SYT7: variants seen among roughly 807,000 people sequenced by gnomAD.
SYT7 encodes the protein synaptotagmin-7.
In SYT7, 29 loss-of-function variants were observed where a neutral mutation model predicts 75.1. The ratio of observed to expected loss-of-function variants is 0.39; its 90% CI spans 0.29 to 0.53. SYT7 has a LOEUF of 0.53. SYT7 is among the 20% of genes least tolerant of loss of function. SYT7 has a pLI of 0.77. For synonymous variants in SYT7, 376 were observed against 401.7 expected (o/e 0.94, Z 0.76); for missense variants, 693 against 953.2 (o/e 0.73, Z 3.59).
At chr11:61,525,369 C>T (rs2135079964) in intron 9 of SYT7, among the ~76,000 whole-genome samples, 1 of 152,256 alleles carries the variant, frequency 6.6e-6, no homozygotes, top group Admixed American at 6.5e-5. Context: ...CTGTCCTCTC[C>T]CTGCTTGGCT....
chr11:61,564,907 G>C (rs1176685921), intron 1 of SYT7, among the ~76,000 whole-genome samples: 2 of 152,202 alleles, frequency 1.3e-5, no homozygotes, highest in South Asian at 4.1e-4. Context: ...AGGACAGGTT[G>C]GGGGCTGGGT....
rs1431454288 is a variant in SYT7, at chr11:61,538,279, G to A, written c.942-13C>T. On this transcript the variant is annotated splice_polypyrimidine_tract_variant and intron_variant, in intron 6 of 12. Transcript: ENST00000539008. ...CATCCGGCCTTCCCTGCCCGGGGAG[G>A]GCAGCCCACAGGCCAGGGTGAAACG... 1 of 1,529,012 alleles carries A rather than the reference G, an allele frequency of 6.5e-7. No homozygotes were observed. Among genetic ancestry groups the A allele is most frequent in the Non-Finnish European group, 8.8e-7 (1 of 1,142,464 alleles). 94.7% of individuals were successfully genotyped at this position (1,529,012 alleles called of 1,614,324 possible). A position where few individuals can be genotyped will look rare whatever the true frequency, so the allele number is the denominator to read the frequency against.
At chr11:61,550,172 C>T (rs1314770055) in intron 3 of SYT7, among the ~76,000 whole-genome samples, 4 of 152,162 alleles carry the variant, frequency 2.6e-5, no homozygotes, top group South Asian at 2.1e-4. Context: ...CTGAGCCTCC[C>T]GCCCTCCCCT....
intron 6 of SYT7, chr11:61,541,409 A>C: frequency 7.1e-5 from 24 of 337,264 alleles, no homozygotes; most frequent in South Asian, 1.4e-4. Context: ...GATGCTGGGG[A>C]GGGGGCTTCC....
chr11:61,524,185 C>G lies in SYT7; in HGVS notation c.1641+178G>C, dbSNP rs1467565360. On this transcript the variant is annotated intron_variant, in intron 10 of 12. Transcript: ENST00000539008. This position sits in a 1 kb window ranked among gnomAD's most constrained non-coding sequence, Gnocchi z 4.1. ...CTTCTTACAGATCGGGTGAGTCCCC[C>G]CAAGTGCCAAGCACCAATGTTCTGA... Among the ~76,000 whole-genome samples, 2 of 152,200 alleles carry G rather than the reference C, an allele frequency of 1.3e-5. No individual in the cohort carries two copies. The highest frequency in any genetic ancestry group is 2.4e-5 in the African/African-American group (1 of 41,440).
At position 61,546,537 on chromosome 11, in the gene SYT7, C is replaced by A. The variant is rs1482526760; in HGVS notation, c.348-282G>T. The A allele has an allele frequency of 4.4e-6, 2 of 454,854 alleles. No individual in the cohort carries two copies. The highest frequency in any genetic ancestry group is 3.6e-5 in the South Asian group (2 of 56,324). 28.2% of individuals were successfully genotyped at this position (454,854 alleles called of 1,614,324 possible). ...CTGGGGGTCGGAGAACAACGCACCACGACAACGGAGGGGGGGCCCCTCCCC... is the reference window on the plus strand; with the variant it reads ...CTGGGGGTCGGAGAACAACGCACCAAGACAACGGAGGGGGGGCCCCTCCCC... On this transcript the variant is annotated intron_variant, in intron 4 of 12. Coordinates refer to ENST00000539008, the MANE Select transcript of SYT7 (RefSeq NM_001365809.2). The surrounding 1 kb of genome is among the most constrained non-coding windows in gnomAD (Gnocchi z 7.6).
chr11:61,559,191 C>A (rs2063576813), intron 1 of SYT7, among the ~76,000 whole-genome samples: 1 of 152,186 alleles, frequency 6.6e-6, no homozygotes, highest in African/African-American at 2.4e-5. Flanking sequence ...AACAAAGGAC[C>A]CTGGGAGCAC....
At position 61,538,182 on chromosome 11, in the gene SYT7, T is replaced by C. The variant is rs767673233; in HGVS notation, c.1026A>G (p.Pro342=). ...DFANIPDLQN[P]GTQQNQNAQG... ...GAGCGTTCTGGTTCTGCTGGGTTCC[T>C]GGGTTTTGCAGGTCAGGGATATTGG... The change falls in exon 7 of 13, where the codon CCA becomes CCG. Residue 342 remains proline (P), a synonymous_variant. Transcript: ENST00000539008. The C allele has an allele frequency of 3.9e-6, 6 of 1,535,974 alleles. No homozygotes were observed. The African/African-American group carries it at 6.8e-5, about 18-fold the overall frequency.
intron 1 of SYT7, among the ~76,000 whole-genome samples, chr11:61,563,771 C>T (rs1160519034): frequency 6.6e-6 from 1 of 152,190 alleles, no homozygotes; most frequent in African/African-American, 2.4e-5. Context: ...CTCCTACAAT[C>T]CTTTCTGCCT....
At chr11:61,540,316 G>A (rs1268711917) in intron 6 of SYT7, 11 of 194,452 alleles carry the variant, frequency 5.7e-5, no homozygotes, top group African/African-American at 1.4e-4. Context: ...AGCCACCAGC[G>A]TTTGGGCAAG....
intron 1 of SYT7, among the ~76,000 whole-genome samples, chr11:61,558,156 TC>T (rs1248266590): frequency 6.6e-6 from 1 of 152,210 alleles, no homozygotes; most frequent in Non-Finnish European, 1.5e-5. Flanking sequence ...TCGGCAACTA[TC>T]TATTAAGAAT....
chr11:61,570,271 G>C (rs994390590), intron 1 of SYT7, among the ~76,000 whole-genome samples: 12 of 152,182 alleles, frequency 7.9e-5, no homozygotes, highest in Admixed American at 7.9e-4. Context: ...CAGCAAGTCA[G>C]TCCTGATCAA....
At position 61,546,014 on chromosome 11, in the gene SYT7, G is replaced by A. The variant is rs949304551; in HGVS notation, c.572+17C>T. The stretch of plus-strand genomic sequence containing the variant: ...CTGAGCTCATGGCTCCGGCAGCCAT[G>A]GGGCGCCATCACTCACTTGGACAAG... On this transcript the variant is annotated intron_variant, in intron 5 of 12. Transcript: ENST00000539008. This position sits in a 1 kb window ranked among gnomAD's most constrained non-coding sequence, Gnocchi z 7.6. 2.0e-6 allele frequency: 3 copies of A among 1,530,654 alleles called. No homozygotes were observed. In the African/African-American group the frequency reaches 4.1e-5, roughly 21 times the overall value. 94.8% of individuals were successfully genotyped at this position (1,530,654 alleles called of 1,614,324 possible). A position where few individuals can be genotyped will look rare whatever the true frequency, so the allele number is the denominator to read the frequency against.
chr11:61,561,037 C>T (rs908533314), intron 1 of SYT7, among the ~76,000 whole-genome samples: 16 of 152,204 alleles, frequency 1.1e-4, no homozygotes, highest in African/African-American at 3.9e-4. Context: ...GTTCTAATGT[C>T]CCCTTCAAGT....
intron 1 of SYT7, among the ~76,000 whole-genome samples, chr11:61,570,221 C>T (rs1405668124): frequency 6.6e-6 from 1 of 152,154 alleles, no homozygotes; most frequent in Non-Finnish European, 1.5e-5. Context: ...CCCTTCTGGG[C>T]GATGGGCAAC....
intron 7 of SYT7, among the ~76,000 whole-genome samples, chr11:61,533,927 A>G (rs544394128): frequency 6.6e-6 from 1 of 152,012 alleles, no homozygotes; most frequent in East Asian, 1.9e-4. Flanking sequence ...GCTCTCACCC[A>G]GGGTCACAGA....
chr11:61,572,509 A>G (rs1481532183), intron 1 of SYT7, among the ~76,000 whole-genome samples: 2 of 152,162 alleles, frequency 1.3e-5, no homozygotes, highest in Non-Finnish European at 2.9e-5. Context: ...TTGCAATCTT[A>G]TTCCTGCTCT....
At chr11:61,538,391 G>GAGAGAGAGAGAA in intron 6 of SYT7, 125 bp from the exon 7 acceptor site, 2 of 566,504 alleles carry the variant, frequency 3.5e-6, no homozygotes, top group Non-Finnish European at 2.7e-6. Flanking sequence ...GAGAGAGAAA[G>GAGAGAGAGAGAA]AGAGAGAGAG....
chr11:61,551,318 A>C lies in SYT7; in HGVS notation c.215+66T>G. On this transcript the variant is annotated intron_variant, in intron 3 of 12. Coordinates refer to ENST00000539008, the MANE Select transcript of SYT7 (RefSeq NM_001365809.2). The surrounding 1 kb of genome is among the most constrained non-coding windows in gnomAD (Gnocchi z 5.3). ...GGTCAGGTCTGTGGGGCTGGGGGAG[A>C]GAAGGGGCTCCTCCCACCTGGGCTG... 1 of 1,469,070 alleles carries C rather than the reference A, an allele frequency of 6.8e-7. No individual in the cohort carries two copies. Among genetic ancestry groups the C allele is most frequent in the Admixed American group, 1.7e-5 (1 of 59,496 alleles). 91.0% of individuals were successfully genotyped at this position (1,469,070 alleles called of 1,614,324 possible).
Sources: allele counts gnomAD v4.1 joint callset (sites outside exome capture counted in the v4.1 genomes callset), GRCh38; gene constraint gnomAD v4.1.1; non-coding constraint Gnocchi (gnomAD v3.1); transcripts MANE v1.5; gene names NCBI Gene and HGNC (gene_info 2026-07-23, HGNC 2026-07-21).